TMPRSS11E: variants seen among roughly 807,000 people sequenced by gnomAD.
TMPRSS11E encodes transmembrane serine protease 11E.
In TMPRSS11E, 38 loss-of-function variants were observed where a neutral mutation model predicts 48.1. The observed-to-expected ratio is 0.79, with a 90% confidence interval of 0.61 to 1.04. The LOEUF is 1.04. Ranked by LOEUF, TMPRSS11E falls within the 50% of genes least tolerant of loss-of-function variation. The pLI is 0.00. For missense variants in TMPRSS11E, 530 were observed against 510.8 expected (o/e 1.04, Z -0.36); for synonymous variants, 158 against 171.9 (o/e 0.92, Z 0.63).
chr4:68,461,588 A>G (rs896695148), intron 1 of TMPRSS11E, among the ~76,000 whole-genome samples: 1 of 152,202 alleles, frequency 6.6e-6, no homozygotes, highest in Non-Finnish European at 1.5e-5. Context: ...TATCATTATC[A>G]TCTTCCTTTT....
At chr4:68,449,207 A>G (rs1355804157) in intron 1 of TMPRSS11E, among the ~76,000 whole-genome samples, 1 of 151,656 alleles carries the variant, frequency 6.6e-6, no homozygotes, top group Non-Finnish European at 1.5e-5. Context: ...ATTTTCTCCA[A>G]ACTCTTATTT....
At position 68,490,751 on chromosome 4, in the gene TMPRSS11E, C is replaced by CT. The variant is rs1158277585; in HGVS notation, c.1111-5866dup. Among the ~76,000 whole-genome samples the CT allele has an allele frequency of 5.5e-3, 379 of 69,310 alleles. 84 individuals carry two copies. Among genetic ancestry groups the CT allele is most frequent in the East Asian group, 0.05 (100 of 2,016 alleles). The allele number at this position is 69,310 out of a possible 152,430, so 45.5% of individuals were successfully genotyped here. A position where few individuals can be genotyped will look rare whatever the true frequency, so the allele number is the denominator to read the frequency against. ...GTTCATGCTTCCCACTCAGCATATTCTTTTTTTTTTTTTTTTTTTTTTTTT... is the reference window on the plus strand; with the variant it reads ...GTTCATGCTTCCCACTCAGCATATTCTTTTTTTTTTTTTTTTTTTTTTTTTT... On this transcript the variant is annotated intron_variant, in intron 9 of 9. Coordinates refer to ENST00000305363, the MANE Select transcript of TMPRSS11E (RefSeq NM_014058.4).
Position 68,477,628 on chromosome 4 carries a change from G to C in TMPRSS11E, c.967G>C (p.Gly323Arg). 1 of 1,611,268 alleles carries C rather than the reference G, an allele frequency of 6.2e-7. No homozygotes were observed. The highest frequency in any genetic ancestry group is 1.3e-5 in the African/African-American group (1 of 74,996). The change falls in exon 8 of 10, where the codon GGT (glycine) becomes CGT (arginine). Residue 323 changes from glycine to arginine, a missense_variant and splice_region_variant. Gly to Arg is a moderately radical substitution (Grantham distance 125). Transcript: ENST00000305363. ...AGGATTTGGAGCACTGAAAAATGAT[G>C]GTGAGCATCGGAAGAGGAACTCAAG... ...VTGFGALKND[G>R]YSQNHLRQAQ...
intron 9 of TMPRSS11E, among the ~76,000 whole-genome samples, chr4:68,495,393 CTGCCTGCATATAGACT>C (rs1330777914): frequency 2.0e-5 from 3 of 151,974 alleles, no homozygotes; most frequent in Non-Finnish European, 4.4e-5. Flanking sequence ...CTGATTTTCT[CTGCCTGCATATAGACT>C]TGGGATTTTA....
chr4:68,482,274 C>A (rs2708693), intron 9 of TMPRSS11E, among the ~76,000 whole-genome samples: 5 of 151,938 alleles, frequency 3.3e-5, no homozygotes, highest in Admixed American at 6.6e-5. Flanking sequence ...TGAACACCTC[C>A]CACCAGGTCC....
chr4:68,486,575 T>TGCC (rs1218520787), intron 9 of TMPRSS11E, among the ~76,000 whole-genome samples: 1 of 152,208 alleles, frequency 6.6e-6, no homozygotes, highest in Admixed American at 6.5e-5. Flanking sequence ...TTAGAGTATG[T>TGCC]GCCATACATA....
intron 9 of TMPRSS11E, among the ~76,000 whole-genome samples, chr4:68,487,941 C>CAAAAAA (rs56299530): frequency 3.3e-5 from 3 of 89,960 alleles, no homozygotes; most frequent in East Asian, 3.9e-4. Flanking sequence ...GACTCTGTCT[C>CAAAAAA]AAAAAAAAAA....
intron 2 of TMPRSS11E, among the ~76,000 whole-genome samples, chr4:68,463,500 A>T (rs992177922): frequency 2.0e-5 from 3 of 152,132 alleles, no homozygotes; most frequent in Non-Finnish European, 4.4e-5. Context: ...ACAGGGTTTC[A>T]CCATGTTCGT....
intron 1 of TMPRSS11E, among the ~76,000 whole-genome samples, chr4:68,450,850 A>G (rs999515454): frequency 3.3e-5 from 5 of 151,836 alleles, no homozygotes; most frequent in Admixed American, 1.3e-4. Context: ...AAAGGATTAC[A>G]TTTGCTATAT....
rs201425111 is a variant in TMPRSS11E at position 68,496,808 on chromosome 4, A to T, written c.*4A>T. ...TACTTCAAAAACTGGTATCTAAGAGAGAAAAGCCTCATGGAACAGATAACA... is the reference window on the plus strand; with the variant it reads ...TACTTCAAAAACTGGTATCTAAGAGTGAAAAGCCTCATGGAACAGATAACA... On this transcript the variant is annotated 3_prime_UTR_variant, in exon 10 of 10. Coordinates refer to ENST00000305363, the MANE Select transcript of TMPRSS11E (RefSeq NM_014058.4). 1 of 1,607,012 alleles carries T rather than the reference A, an allele frequency of 6.2e-7. No homozygotes were observed. The highest frequency in any genetic ancestry group is 2.2e-5 in the East Asian group (1 of 44,770).
At chr4:68,470,504 G>T (rs949788248) in intron 4 of TMPRSS11E, among the ~76,000 whole-genome samples, 2 of 151,840 alleles carry the variant, frequency 1.3e-5, no homozygotes, top group East Asian at 3.9e-4. Flanking sequence ...CAATTAACAT[G>T]TTTATAGGTA....
chr4:68,468,016 C>A (rs1728969924), intron 3 of TMPRSS11E, among the ~76,000 whole-genome samples: 1 of 151,984 alleles, frequency 6.6e-6, no homozygotes, highest in Admixed American at 6.6e-5. Context: ...CAAAAATTAA[C>A]CCTTAAATAA....
intron 1 of TMPRSS11E, among the ~76,000 whole-genome samples, chr4:68,453,309 G>A (rs1728546450): frequency 6.6e-6 from 1 of 151,910 alleles, no homozygotes; most frequent in African/African-American, 2.4e-5. Flanking sequence ...GTGGGGAAAT[G>A]TAGATTTAGA....
chr4:68,462,238 C>A (rs541112732), intron 2 of TMPRSS11E, among the ~76,000 whole-genome samples: 25 of 152,108 alleles, frequency 1.6e-4, no homozygotes, highest in Non-Finnish European at 2.9e-4. Context: ...ATAGCTAGAA[C>A]CAATGTCTTG....
chr4:68,492,090 G>C (rs993474156), intron 9 of TMPRSS11E, among the ~76,000 whole-genome samples: 1 of 152,088 alleles, frequency 6.6e-6, no homozygotes, highest in South Asian at 2.1e-4. Flanking sequence ...ATTGCTCCTG[G>C]AGGAACACAC....
chr4:68,457,809 A>C (rs1046036863), intron 1 of TMPRSS11E, among the ~76,000 whole-genome samples: 23 of 152,112 alleles, frequency 1.5e-4, no homozygotes, highest in African/African-American at 5.1e-4. Flanking sequence ...GGAAACCATC[A>C]TTCTCAGCAA....
chr4:68,468,618 C>T (rs1457390570), intron 3 of TMPRSS11E, among the ~76,000 whole-genome samples: 2 of 152,026 alleles, frequency 1.3e-5, no homozygotes, highest in East Asian at 3.9e-4. Context: ...TTTCTTTGGT[C>T]TCTTTCTGAG....
intron 9 of TMPRSS11E, among the ~76,000 whole-genome samples, chr4:68,486,071 T>C (rs2708681): frequency 0.66 from 100,435 of 151,920 alleles, 33,586 homozygotes; most frequent in East Asian, 0.86. Flanking sequence ...TCAATCTTAT[T>C]TATTCTTTCA....
intron 5 of TMPRSS11E, among the ~76,000 whole-genome samples, chr4:68,473,307 G>T (rs1729124218): frequency 1.3e-5 from 2 of 152,168 alleles, no homozygotes; most frequent in South Asian, 4.1e-4. Context: ...GAATGCTATT[G>T]TCTTTTCTAT....
Sources: gnomAD v4.1 joint callset for allele counts (sites outside exome capture counted in the v4.1 genomes callset) on GRCh38, gnomAD v4.1.1 for gene constraint, MANE v1.5 for transcripts, NCBI Gene and HGNC (gene_info 2026-07-23, HGNC 2026-07-21) for gene names.